Variants in STARD8 observed in about 807,000 individuals in gnomAD.
STARD8 encodes the protein stAR-related lipid transfer protein 8.
In STARD8, 25 loss-of-function variants were observed where a neutral mutation model predicts 69.4. The observed-to-expected ratio is 0.36, with a 90% confidence interval of 0.26 to 0.50. STARD8 has a LOEUF of 0.50. STARD8 is among the 20% of genes least tolerant of loss of function. The pLI is 0.96. For missense variants in STARD8, 921 were observed against 932.5 expected (o/e 0.99, Z 0.16); for synonymous variants, 389 against 374.6 (o/e 1.04, Z -0.45).
intron 1 of STARD8, among the ~76,000 whole-genome samples, chrX:68,653,606 A>C: frequency 4.0e-5 from 3 of 75,422 alleles, no homozygotes; most frequent in East Asian, 4.4e-4. Flanking sequence ...AAGCACACAC[A>C]CCCCACCACA....
rs750824185 is a variant in STARD8, at chrX:68,724,400, C to T, written c.3290C>T (p.Ala1097Val). 2.0e-5 allele frequency: 24 copies of T among 1,201,910 alleles called. No individual in the cohort carries two copies. Among genetic ancestry groups the T allele is most frequent in the African/African-American group, 3.5e-5 (2 of 57,074 alleles). The change falls in exon 15 of 15, where the codon GCG becomes GTG. Residue 1097 changes from alanine (A) to valine (V), a missense_variant. Ala to Val is a moderately conservative substitution (Grantham distance 64). Transcript: ENST00000374599. ...IRDSFPTLQA[A>V]GPETKL ...GACTCCTTCCCCACCCTGCAGGCAG[C>T]GGGCCCTGAGACAAAGCTGTGAGCC...
intron 2 of STARD8, among the ~76,000 whole-genome samples, chrX:68,706,953 G>A (rs1277289586): frequency 8.8e-6 from 1 of 113,180 alleles, no homozygotes; most frequent in Non-Finnish European, 1.9e-5. Flanking sequence ...AGCAGGGCCT[G>A]CAGTGGTAGG....
intron 1 of STARD8, among the ~76,000 whole-genome samples, chrX:68,652,809 C>T: frequency 1.4e-5 from 1 of 71,666 alleles, no homozygotes; most frequent in Non-Finnish European, 2.7e-5. Context: ...ACACACCACA[C>T]ACACACCCCA....
chrX:68,674,053 G>A (rs1414279953), intron 2 of STARD8, among the ~76,000 whole-genome samples: 2 of 111,324 alleles, frequency 1.8e-5, no homozygotes, highest in African/African-American at 6.5e-5. Flanking sequence ...CAGCACTTTG[G>A]GAGGCCAAGG....
At chrX:68,653,239 C>A (rs2079577970) in intron 1 of STARD8, among the ~76,000 whole-genome samples, 1 of 55,058 alleles carries the variant, frequency 1.8e-5, no homozygotes, top group Non-Finnish European at 3.5e-5. Flanking sequence ...ACACCACACA[C>A]ACACACCACA....
chrX:68,660,671 G>T (rs1012448908), intron 1 of STARD8, among the ~76,000 whole-genome samples: 2 of 112,302 alleles, frequency 1.8e-5, no homozygotes, highest in Non-Finnish European at 3.8e-5. Context: ...CGACAACCTG[G>T]CTCAAAACAG....
At chrX:68,690,412 A>G (rs920279874) in intron 2 of STARD8, among the ~76,000 whole-genome samples, 1 of 99,563 alleles carries the variant, frequency 1.0e-5, no homozygotes, top group Admixed American at 1.1e-4. Context: ...AGCTCGAGCA[A>G]CTCCCATTCC....
chrX:68,720,229 C>T (rs771330399), intron 7 of STARD8, 35 bp from the exon 8 acceptor site: 11 of 1,161,890 alleles, frequency 9.5e-6, no homozygotes, highest in Non-Finnish European at 1.3e-5. Context: ...AAACTGTGTT[C>T]CCCCTATCTG....
At position 68,709,369 on chromosome X, in the gene STARD8, G is replaced by A. The variant is rs777211497; in HGVS notation, c.80-3545G>A. ...GGACCCACAGGGGAACGCAGCAGCTGGGCTTCTTTCTCTAATTTCCTCTTT... is the reference window on the plus strand; with the variant it reads ...GGACCCACAGGGGAACGCAGCAGCTAGGCTTCTTTCTCTAATTTCCTCTTT... On this transcript the variant is annotated intron_variant, in intron 2 of 14. Coordinates refer to ENST00000374599, the MANE Select transcript of STARD8 (RefSeq NM_001142503.3). Among the ~76,000 whole-genome samples the A allele has an allele frequency of 6.4e-4, 72 of 112,640 alleles. 1 individual carries two copies. The highest frequency in any genetic ancestry group is 6.1e-3 in the Admixed American group (65 of 10,709).
chrX:68,724,162 G>A (rs764458548), intron 14 of STARD8, 41 bp downstream of exon 14: 1 of 1,190,470 alleles, frequency 8.4e-7, no homozygotes, highest in African/African-American at 1.8e-5. Context: ...CCTTGGCCTT[G>A]ACCCCCTCCC....
chrX:68,650,537 C>T (rs1335804856), intron 1 of STARD8, among the ~76,000 whole-genome samples: 2 of 104,649 alleles, frequency 1.9e-5, no homozygotes, highest in African/African-American at 7.1e-5. Context: ...GGTATGGTGT[C>T]ACGCCTGTAA....
At chrX:68,669,596 T>A (rs2079715611) in intron 2 of STARD8, among the ~76,000 whole-genome samples, 1 of 111,750 alleles carries the variant, frequency 8.9e-6, no homozygotes, top group Non-Finnish European at 1.9e-5. Context: ...CATTCGGGGC[T>A]TCACTCCAGG....
At chrX:68,707,329 G>A (rs757717207) in intron 2 of STARD8, among the ~76,000 whole-genome samples, 40 of 112,184 alleles carry the variant, frequency 3.6e-4, no homozygotes, top group Admixed American at 9.4e-5. Flanking sequence ...TCACACTGAT[G>A]CTGGTCACTC....
chrX:68,721,880 C>T, intron 10 of STARD8, 134 bp downstream of exon 10: 1 of 803,346 alleles, frequency 1.2e-6, no homozygotes, highest in Non-Finnish European at 1.8e-6. Flanking sequence ...TCCTCAGGGG[C>T]CCTGGGCTGG....
intron 1 of STARD8, 127 bp from the exon 2 acceptor site, chrX:68,665,372 T>G: frequency 1.3e-6 from 1 of 773,071 alleles, no homozygotes; most frequent in East Asian, 3.5e-5. Flanking sequence ...TTCCTTTTCT[T>G]TGGACCTCCA....
At position 68,717,838 on chromosome X, in the gene STARD8, C is replaced by T. The variant is rs770744326; in HGVS notation, c.924C>T (p.Gly308=). 8.3e-7 allele frequency: 1 copy of T among 1,210,642 alleles called. No homozygotes were observed. Among genetic ancestry groups the T allele is most frequent in the Non-Finnish European group, 1.1e-6 (1 of 894,944 alleles). Residue 308 remains glycine (G), a synonymous_variant, in exon 6 of 15, where the codon GGC becomes GGT. Coordinates refer to ENST00000374599, the MANE Select transcript of STARD8 (RefSeq NM_001142503.3). ...LVHVPGDHKP[G]TFPRSLSIES... Reference sequence around the variant, plus strand: ...ACGTTCCTGGGGACCACAAACCAGGCACATTCCCTCGCTCCCTGTCCATTG... The same window carrying T: ...ACGTTCCTGGGGACCACAAACCAGGTACATTCCCTCGCTCCCTGTCCATTG...
chrX:68,676,030 C>G (rs2079763010), intron 2 of STARD8, among the ~76,000 whole-genome samples: 1 of 112,271 alleles, frequency 8.9e-6, no homozygotes, highest in Non-Finnish European at 1.9e-5. Context: ...TGAGCTCCTA[C>G]ACGCTGTATT....
intron 2 of STARD8, among the ~76,000 whole-genome samples, chrX:68,706,433 C>T (rs1481279232): frequency 5.4e-5 from 6 of 111,700 alleles, no homozygotes; most frequent in Non-Finnish European, 1.1e-4. Context: ...CACTGCAGAC[C>T]CCCTTGCATG....
At chrX:68,660,918 A>C (rs1298242720) in intron 1 of STARD8, among the ~76,000 whole-genome samples, 1 of 111,850 alleles carries the variant, frequency 8.9e-6, no homozygotes, top group African/African-American at 3.3e-5. Context: ...GGAAGAAGGG[A>C]GGGCCAAGCT....
Sources: allele counts gnomAD v4.1 joint callset (sites outside exome capture counted in the v4.1 genomes callset), GRCh38; gene constraint gnomAD v4.1.1; transcripts MANE v1.5; gene names NCBI Gene and HGNC (gene_info 2026-07-23, HGNC 2026-07-21).